The following SGTB variants were observed in gnomAD, a reference collection of about 807,000 sequenced individuals.
SGTB encodes the protein small glutamine rich tetratricopeptide repeat co-chaperone beta.
In SGTB, 19 loss-of-function variants were observed where a neutral mutation model predicts 43.9. The ratio of observed to expected loss-of-function variants is 0.43; its 90% CI spans 0.30 to 0.63. The LOEUF (loss-of-function observed/expected upper bound fraction) is 0.63, where lower values mean the gene tolerates loss of function less well. Among genes scored for constraint, SGTB ranks in the 30% least tolerant of loss-of-function variants. The probability of loss-of-function intolerance (pLI) is 0.12; values close to 1 mark genes in which losing one functional copy is unlikely to be tolerated. For missense variants in SGTB, 304 were observed against 358.9 expected (o/e 0.85, Z 1.24); for synonymous variants, 116 against 117.3 (o/e 0.99, Z 0.07).
At chr5:65,679,574 A>G (rs1244212466) in intron 8 of SGTB, among the ~76,000 whole-genome samples, 1 of 152,188 alleles carries the variant, frequency 6.6e-6, no homozygotes, top group Non-Finnish European at 1.5e-5. Flanking sequence ...CCAAGATCAC[A>G]CCATTGCACT....
chr5:65,693,936 T>C (rs1429420637), intron 5 of SGTB, among the ~76,000 whole-genome samples: 2 of 152,342 alleles, frequency 1.3e-5, no homozygotes, highest in East Asian at 3.9e-4. Context: ...CAGTAGCACC[T>C]AGCCACATGT....
Position 65,670,189 on chromosome 5 carries a change from A to T in SGTB, c.*57T>A. 6 of 1,519,084 alleles carry T rather than the reference A, an allele frequency of 3.9e-6. No individual in the cohort carries two copies. The highest frequency in any genetic ancestry group is 5.5e-6 in the Non-Finnish European group (6 of 1,097,922). The allele number at this position is 1,519,084 out of a possible 1,614,324, so 94.1% of individuals were successfully genotyped here. ...GAGGGAGGGGGTACTATCTACAACA[A>T]ATACTTCATTCATAGCCATAAACCA... On this transcript the variant is annotated 3_prime_UTR_variant, in exon 11 of 11. Transcript: ENST00000381007.
At chr5:65,684,844 C>T (rs1757469050) in intron 6 of SGTB, among the ~76,000 whole-genome samples, 1 of 152,164 alleles carries the variant, frequency 6.6e-6, no homozygotes, top group African/African-American at 2.4e-5. Flanking sequence ...TGAGTCACCA[C>T]GCCCAGCCAG....
At chr5:65,687,323 A>G (rs1014580592) in intron 5 of SGTB, among the ~76,000 whole-genome samples, 2 of 152,226 alleles carry the variant, frequency 1.3e-5, no homozygotes, top group African/African-American at 4.8e-5. Context: ...TATAAGGAGC[A>G]CAACCTTCCA....
chr5:65,709,848 C>A (rs1313527561), intron 3 of SGTB, among the ~76,000 whole-genome samples: 2 of 152,168 alleles, frequency 1.3e-5, no homozygotes, highest in Admixed American at 6.5e-5. Context: ...AATCCTCCCA[C>A]GTTGGCTTCC....
At chr5:65,683,507 A>C (rs1375308009) in intron 6 of SGTB, among the ~76,000 whole-genome samples, 4 of 152,188 alleles carry the variant, frequency 2.6e-5, no homozygotes, top group Non-Finnish European at 5.9e-5. Context: ...AGAGAAGACA[A>C]AGAAACAGCA....
rs1375191424 is a variant in SGTB at position 65,667,548 on chromosome 5, A to G, written c.*2698T>C. ...AAATCAAAGTTGGCTTAGATGGAAT[A>G]TGAATTTAACTTCTGAGGGCCGAAG... On this transcript the variant is annotated 3_prime_UTR_variant, in exon 11 of 11. Coordinates refer to ENST00000381007, the MANE Select transcript of SGTB (RefSeq NM_019072.3). 3 of 152,244 alleles carry G rather than the reference A, an allele frequency of 2.0e-5. No individual in the cohort carries two copies. Among genetic ancestry groups the G allele is most frequent in the African/African-American group, 7.2e-5 (3 of 41,458 alleles). 9.4% of individuals were successfully genotyped at this position (152,244 alleles called of 1,614,324 possible). A position where few individuals can be genotyped will look rare whatever the true frequency, so the allele number is the denominator to read the frequency against.
chr5:65,676,912 G>T (rs1266626784), intron 8 of SGTB, among the ~76,000 whole-genome samples: 1 of 149,874 alleles, frequency 6.7e-6, no homozygotes, highest in African/African-American at 2.5e-5. Flanking sequence ...ACAAATAAAA[G>T]AACTAGAGAA....
chr5:65,680,491 C>T lies in SGTB; in HGVS notation c.681+3G>A, dbSNP rs779583702. 6.2e-7 allele frequency: 1 copy of T among 1,613,984 alleles called. No individual in the cohort carries two copies. The highest frequency in any genetic ancestry group is 8.5e-7 in the Non-Finnish European group (1 of 1,179,952). ...GTAGAGGCAGAAAAGAAAGTATACTCACCATACTAATGAAGGCTGGATTAT... is the reference window on the plus strand; with the variant it reads ...GTAGAGGCAGAAAAGAAAGTATACTTACCATACTAATGAAGGCTGGATTAT... On this transcript the variant is annotated splice_donor_region_variant and intron_variant, in intron 8 of 10. Coordinates refer to ENST00000381007, the MANE Select transcript of SGTB (RefSeq NM_019072.3).
In SGTB at chr5:65,699,092, T is replaced by G. The variant is rs940283737; in HGVS notation, c.374+5187A>C. ...AAGACACCTGCACACATGTGTTTAT[T>G]GCAGGACAATTCACAAGTGCAAAGA... On this transcript the variant is annotated intron_variant, in intron 5 of 10. Coordinates refer to ENST00000381007, the MANE Select transcript of SGTB (RefSeq NM_019072.3). Among the ~76,000 whole-genome samples, 10 of 152,318 alleles carry G rather than the reference T, an allele frequency of 6.6e-5. No homozygotes were observed. The East Asian group carries it at 1.9e-3, about 29-fold the overall frequency.
At chr5:65,696,769 A>G (rs2062908) in intron 5 of SGTB, among the ~76,000 whole-genome samples, 5,057 of 152,326 alleles carry the variant, frequency 0.033, 292 homozygotes, top group African/African-American at 0.11. Flanking sequence ...ACTACATGGT[A>G]TGTTTACAAG....
At chr5:65,682,577 A>G (rs372994598) in intron 6 of SGTB, among the ~76,000 whole-genome samples, 4 of 152,218 alleles carry the variant, frequency 2.6e-5, no homozygotes. Flanking sequence ...ACTTGATGAC[A>G]GAGTATCAGT....
intron 2 of SGTB, among the ~76,000 whole-genome samples, chr5:65,717,208 A>G (rs1758168983): frequency 6.6e-6 from 1 of 152,200 alleles, no homozygotes; most frequent in Non-Finnish European, 1.5e-5. Context: ...CTTAATCAGA[A>G]TGGGTTTAAG....
At chr5:65,677,014 CAAAAAA>C in intron 8 of SGTB, among the ~76,000 whole-genome samples, 1 of 134,452 alleles carries the variant, frequency 7.4e-6, no homozygotes, top group Non-Finnish European at 1.6e-5. Flanking sequence ...GAAAACCCTT[CAAAAAA>C]AAAAAAAATG....
At chr5:65,690,591 C>T (rs1323225021) in intron 5 of SGTB, among the ~76,000 whole-genome samples, 1 of 151,988 alleles carries the variant, frequency 6.6e-6, no homozygotes, top group Non-Finnish European at 1.5e-5. Flanking sequence ...AGAACTGAAA[C>T]AACAAAAAAG....
chr5:65,714,677 T>C (rs1758114743), intron 2 of SGTB, among the ~76,000 whole-genome samples: 1 of 152,064 alleles, frequency 6.6e-6, no homozygotes, highest in African/African-American at 2.4e-5. Context: ...TAGCCAGATG[T>C]GATTGCATGC....
rs1406766056 is a variant in SGTB, at chr5:65,668,975, A to G, written c.*1271T>C. 2.0e-5 allele frequency: 3 copies of G among 152,290 alleles called. No homozygotes were observed. Among genetic ancestry groups the G allele is most frequent in the African/African-American group, 7.2e-5 (3 of 41,562 alleles). 9.4% of individuals were successfully genotyped at this position (152,290 alleles called of 1,614,324 possible). ...CTCGTAAAACTTGTGAAGTCATTAC[A>G]TGTCAGCACCAATTTCATTATTAAT... On this transcript the variant is annotated 3_prime_UTR_variant, in exon 11 of 11. Transcript: ENST00000381007.
chr5:65,719,345 T>G (rs1758209424), intron 2 of SGTB, among the ~76,000 whole-genome samples: 1 of 152,176 alleles, frequency 6.6e-6, no homozygotes, highest in African/African-American at 2.4e-5. Flanking sequence ...ATCTCAGTAC[T>G]TTGGGAGGCC....
At chr5:65,680,860 C>T (rs3213798) in intron 6 of SGTB, 66 bp from the exon 7 acceptor site, 410,627 of 1,483,232 alleles carry the variant, frequency 0.28, 58,207 homozygotes, top group South Asian at 0.41. Context: ...TCACAAACAT[C>T]GTCAAACGTC....
Sources: gnomAD v4.1 joint callset for allele counts (sites outside exome capture counted in the v4.1 genomes callset) on GRCh38, gnomAD v4.1.1 for gene constraint, MANE v1.5 for transcripts, NCBI Gene and HGNC (gene_info 2026-07-23, HGNC 2026-07-21) for gene names.